COL21A1: variants seen among roughly 807,000 people sequenced by gnomAD.
The protein encoded by COL21A1 is collagen type XXI alpha 1 chain.
In COL21A1, 149 loss-of-function variants were observed where a neutral mutation model predicts 137.9. The ratio of observed to expected loss-of-function variants is 1.08; its 90% CI spans 0.95 to 1.24. The LOEUF (loss-of-function observed/expected upper bound fraction) is 1.24, where lower values mean the gene tolerates loss of function less well. COL21A1 is among the 50% of genes most tolerant of loss of function. The pLI is 0.00. For missense variants in COL21A1, 1,167 were observed against 1,158.4 expected, an observed-to-expected ratio of 1.01 and a Z score of -0.11; for synonymous variants, 456 against 391.5, an observed-to-expected ratio of 1.16 and a Z score of -1.95.
intron 9 of COL21A1, among the ~76,000 whole-genome samples, chr6:56,163,239 T>TATCTTTTTGCTTAGGGAAACATA (rs1183059177): frequency 1.6e-4 from 25 of 152,244 alleles, no homozygotes; most frequent in African/African-American, 5.8e-4. Context: ...ACATAAACAT[T>TATCTTTTTGCTTAGGGAAACATA]ATCTTTTTGC....
intron 1 of COL21A1, among the ~76,000 whole-genome samples, chr6:56,347,902 T>C (rs1313879017): frequency 6.6e-6 from 1 of 152,140 alleles, no homozygotes; most frequent in African/African-American, 2.4e-5. Context: ...AGCTGAGAAG[T>C]ATTATAAGTT....
chr6:56,365,075 A>T (rs1295460395), intron 1 of COL21A1, among the ~76,000 whole-genome samples: 1 of 152,312 alleles, frequency 6.6e-6, no homozygotes, highest in Non-Finnish European at 1.5e-5. Context: ...GGTTCCTAAC[A>T]TGGATTAAGG....
At chr6:56,200,461 C>T (rs572997945) in intron 1 of COL21A1, among the ~76,000 whole-genome samples, 7 of 107,160 alleles carry the variant, frequency 6.5e-5, no homozygotes, top group Non-Finnish European at 1.1e-4. Flanking sequence ...CCCCCTCCCC[C>T]CACCCCACAA....
intron 1 of COL21A1, among the ~76,000 whole-genome samples, chr6:56,383,746 T>C (rs1458953460): frequency 6.6e-6 from 1 of 152,190 alleles, no homozygotes; most frequent in African/African-American, 2.4e-5. Context: ...TTTGGCTTTC[T>C]ATTCAACAGT....
intron 1 of COL21A1, among the ~76,000 whole-genome samples, chr6:56,374,414 G>A (rs2093995566): frequency 6.6e-6 from 1 of 152,136 alleles, no homozygotes; most frequent in African/African-American, 2.4e-5. Flanking sequence ...TAAAGTGAAA[G>A]AACCAAGAAA....
At chr6:56,224,276 C>G (rs1280544078) in intron 1 of COL21A1, among the ~76,000 whole-genome samples, 1 of 152,132 alleles carries the variant, frequency 6.6e-6, no homozygotes, top group Non-Finnish European at 1.5e-5. Flanking sequence ...ACCTATAAAA[C>G]TGTACCAGAC....
intron 1 of COL21A1, among the ~76,000 whole-genome samples, chr6:56,286,076 A>G (rs755267988): frequency 9.2e-5 from 14 of 152,192 alleles, no homozygotes; most frequent in Non-Finnish European, 1.5e-4. Flanking sequence ...GCCTCCCTTG[A>G]TAAGTCTTAA....
At chr6:56,354,729 G>A (rs1765793752) in intron 1 of COL21A1, among the ~76,000 whole-genome samples, 1 of 152,142 alleles carries the variant, frequency 6.6e-6, no homozygotes, top group Admixed American at 6.5e-5. Flanking sequence ...AAATGGTGTG[G>A]TATGGTGGTG....
chr6:56,335,416 T>C (rs1765313992), intron 1 of COL21A1, among the ~76,000 whole-genome samples: 1 of 152,122 alleles, frequency 6.6e-6, no homozygotes, highest in African/African-American at 2.4e-5. Flanking sequence ...TCCCAGAAAT[T>C]AAGCCACAGC....
chr6:56,302,773 C>T (rs1167623396), intron 1 of COL21A1, among the ~76,000 whole-genome samples: 1 of 151,330 alleles, frequency 6.6e-6, no homozygotes, highest in African/African-American at 2.4e-5. Flanking sequence ...GTTGCCATTG[C>T]TTTTGGTGTT....
intron 17 of COL21A1, among the ~76,000 whole-genome samples, chr6:56,081,205 A>G (rs1026916958): frequency 1.3e-5 from 2 of 150,900 alleles, no homozygotes; most frequent in African/African-American, 4.9e-5. Flanking sequence ...CCATGTCTCT[A>G]CGTTTTGTCC....
chr6:56,342,535 A>C (rs1251446468), intron 1 of COL21A1, among the ~76,000 whole-genome samples: 1 of 152,192 alleles, frequency 6.6e-6, no homozygotes, highest in Non-Finnish European at 1.5e-5. Flanking sequence ...AGACAAAATC[A>C]ATGCCTTGCT....
At chr6:56,337,790 G>A (rs182999970) in intron 1 of COL21A1, among the ~76,000 whole-genome samples, 11 of 152,226 alleles carry the variant, frequency 7.2e-5, no homozygotes, top group Admixed American at 5.2e-4. Flanking sequence ...GTATTTTGGA[G>A]CGATTCCATT....
intron 12 of COL21A1, among the ~76,000 whole-genome samples, chr6:56,131,953 A>T (rs1773585285): frequency 2.0e-5 from 3 of 152,064 alleles, no homozygotes; most frequent in Admixed American, 6.6e-5. Flanking sequence ...CAAATATAGA[A>T]ATAAGGCTAA....
At chr6:56,346,946 G>A (rs765010710) in intron 1 of COL21A1, among the ~76,000 whole-genome samples, 4 of 152,110 alleles carry the variant, frequency 2.6e-5, no homozygotes, top group Non-Finnish European at 5.9e-5. Context: ...ACTCGCTGTA[G>A]CACTCAGCAG....
chr6:56,333,694 A>G (rs969099715), intron 1 of COL21A1, among the ~76,000 whole-genome samples: 1 of 152,132 alleles, frequency 6.6e-6, no homozygotes, highest in African/African-American at 2.4e-5. Context: ...TTAAGAAACT[A>G]TCAACCTATA....
At chr6:56,178,342 C>T (rs947066262) in intron 3 of COL21A1, among the ~76,000 whole-genome samples, 1 of 152,034 alleles carries the variant, frequency 6.6e-6, no homozygotes, top group African/African-American at 2.4e-5. Context: ...AAAAGAAGAA[C>T]TATGGTGGTG....
intron 1 of COL21A1, among the ~76,000 whole-genome samples, chr6:56,209,656 C>G (rs1582647941): frequency 6.6e-6 from 1 of 152,036 alleles, no homozygotes; most frequent in Admixed American, 6.6e-5. Context: ...TGTGGAGAAA[C>G]AGGAACGCTT....
chr6:56,325,756 A>C (rs1333849944), intron 1 of COL21A1, among the ~76,000 whole-genome samples: 2 of 11,244 alleles, frequency 1.8e-4, no homozygotes, highest in Non-Finnish European at 1.7e-4. Context: ...ATAATATTAT[A>C]AATATTATAT....
Sources: allele counts gnomAD v4.1 joint callset (sites outside exome capture counted in the v4.1 genomes callset), GRCh38; gene constraint gnomAD v4.1.1; transcripts MANE v1.5; gene names NCBI Gene and HGNC (gene_info 2026-07-23, HGNC 2026-07-21).